MGRN1: variants seen among roughly 807,000 people sequenced by gnomAD.
The protein encoded by MGRN1 is mahogunin ring finger 1.
A neutral mutation model predicts 69.2 loss-of-function variants in MGRN1; 29 were observed. The observed-to-expected ratio is 0.42, with a 90% CI of 0.31 to 0.57. The LOEUF (loss-of-function observed/expected upper bound fraction) is 0.57, where lower values mean the gene tolerates loss of function less well. Among genes scored for constraint, MGRN1 ranks in the 20% least tolerant of loss-of-function variants. The probability of loss-of-function intolerance (pLI) is 0.15; values close to 1 mark genes in which losing one functional copy is unlikely to be tolerated. For synonymous variants in MGRN1, 470 were observed against 344.2 expected, an observed-to-expected ratio of 1.37 and a Z score of -4.04; for missense variants, 998 against 796.2, an observed-to-expected ratio of 1.25 and a Z score of -3.05.
chr16:4,629,263 A>C (rs1897869783), intron 1 of MGRN1, among the ~76,000 whole-genome samples: 1 of 152,000 alleles, frequency 6.6e-6, no homozygotes, highest in Non-Finnish European at 1.5e-5. Context: ...GTTGTAACAA[A>C]GAGTTCTTTA....
intron 1 of MGRN1, among the ~76,000 whole-genome samples, chr16:4,645,561 A>G (rs1053141881): frequency 4.6e-5 from 7 of 152,168 alleles, no homozygotes; most frequent in African/African-American, 1.7e-4. Context: ...GTGGAGAAGA[A>G]TAAGGCTGGA....
In MGRN1 at chr16:4,688,858, C is replaced by G. The variant is rs968554579; in HGVS notation, c.1681C>G (p.Leu561Val). ...LATTSPTWPP[L>V]GGPSPDPSAA... ...CACCACCAGCCCCACCTGGCCTCCA[C>G]TTGGTGGCCCCAGCCCCGATCCCAG... The change falls in exon 17 of 17, where the codon CTT becomes GTT. Residue 561 changes from leucine to valine, a missense_variant. Coordinates refer to ENST00000262370, the MANE Select transcript of MGRN1 (RefSeq NM_015246.4). The G allele has an allele frequency of 4.5e-6, 7 of 1,554,972 alleles. No individual in the cohort carries two copies. Among genetic ancestry groups the G allele is most frequent in the African/African-American group, 4.1e-5 (3 of 73,252 alleles).
chr16:4,688,449 C>G (rs1044064800), intron 16 of MGRN1: 1 of 1,090,250 alleles, frequency 9.2e-7, no homozygotes, highest in Non-Finnish European at 1.1e-6. Context: ...CTTGGCAGGA[C>G]AGTGGCTGGC....
intron 1 of MGRN1, among the ~76,000 whole-genome samples, chr16:4,643,394 C>T (rs919505791): frequency 6.7e-6 from 1 of 150,350 alleles, no homozygotes; most frequent in African/African-American, 2.5e-5. Flanking sequence ...CTGTACCCGG[C>T]CTTGCTTGAT....
chr16:4,625,136 G>A, intron 1 of MGRN1, 88 bp downstream of exon 1: 3 of 1,197,140 alleles, frequency 2.5e-6, no homozygotes, highest in Non-Finnish European at 2.2e-6. Flanking sequence ...GGGGCGGGGC[G>A]CCCTGCTCGG....
chr16:4,681,602 T>C lies in MGRN1; in HGVS notation c.1184T>C (p.Leu395Pro). ...GYEPISLLEA[L>P]NGLRAVSPAI... ...GAGCCCATCTCGCTGCTCGAGGCGC[T>C]CAACGGCCTCCGGGCTGTCTCCCCG... Residue 395 changes from leucine to proline, a missense_variant, in exon 13 of 17, where the codon CTC (leucine) becomes CCC (proline). Physicochemically the swap from Leu to Pro is moderately conservative, Grantham distance 98 (BLOSUM62 -3). Coordinates refer to ENST00000262370, the MANE Select transcript of MGRN1 (RefSeq NM_015246.4). The C allele has an allele frequency of 6.2e-7, 1 of 1,613,526 alleles. No individual in the cohort carries two copies. The highest frequency in any genetic ancestry group is 8.5e-7 in the Non-Finnish European group (1 of 1,180,004).
chr16:4,665,348 A>T (rs1264099538), intron 7 of MGRN1, among the ~76,000 whole-genome samples, 197 bp downstream of exon 7: 3 of 146,764 alleles, frequency 2.0e-5, no homozygotes, highest in Admixed American at 1.4e-4. Context: ...CGCTGTCAGG[A>T]GGCTTAGCAT....
chr16:4,661,177 C>G (rs1410464014), intron 5 of MGRN1, among the ~76,000 whole-genome samples: 1 of 150,552 alleles, frequency 6.6e-6, no homozygotes, highest in Non-Finnish European at 1.5e-5. Context: ...CAGAGTTTCT[C>G]TATGTTGCGT....
rs948586896 is a variant in MGRN1 at position 4,647,568 on chromosome 16, C to A, written c.89-2797C>A. On this transcript the variant is annotated intron_variant, in intron 1 of 16. Transcript: ENST00000262370. The stretch of plus-strand genomic sequence containing the variant: ...TGTGGGCGTGTCCTTCCAGAACATT[C>A]TCTGTGTATTCACAATTTGTGTTGC... Among the ~76,000 whole-genome samples the A allele has an allele frequency of 1.2e-4, 18 of 152,250 alleles. 1 individual carries two copies. Among genetic ancestry groups the A allele is most frequent in the African/African-American group, 1.7e-4 (7 of 41,464 alleles).
At position 4,665,161 on chromosome 16, in the gene MGRN1, A is replaced by T; in HGVS notation, c.678+10A>T. ...GGCTGCCTTTGAAAAGGTAAGTGCC[A>T]TCTGGCCATCACTTTCCCGGGGACC... is the stretch of plus-strand genomic sequence containing the variant. On this transcript the variant is annotated intron_variant, in intron 7 of 16. Transcript: ENST00000262370. The T allele has an allele frequency of 6.2e-7, 1 of 1,614,114 alleles. No individual in the cohort carries two copies. Among genetic ancestry groups the T allele is most frequent in the Non-Finnish European group, 8.5e-7 (1 of 1,180,004 alleles).
intron 5 of MGRN1, among the ~76,000 whole-genome samples, chr16:4,657,705 C>T (rs1002893783): frequency 6.8e-6 from 1 of 146,432 alleles, no homozygotes; most frequent in South Asian, 2.2e-4. Flanking sequence ...GCTTTTTAAC[C>T]TTACTTTTGT....
chr16:4,651,870 C>T, intron 2 of MGRN1, 93 bp from the exon 3 acceptor site: 1 of 1,099,712 alleles, frequency 9.1e-7, no homozygotes, highest in South Asian at 1.2e-5. Flanking sequence ...CCCAGGGATA[C>T]CCTCTGGGGC....
intron 4 of MGRN1, among the ~76,000 whole-genome samples, chr16:4,656,381 C>G (rs888476607): frequency 6.6e-6 from 1 of 152,174 alleles, no homozygotes; most frequent in Non-Finnish European, 1.5e-5. Flanking sequence ...TGTGTGCAGA[C>G]GCATGAAAGA....
At chr16:4,627,950 G>T (rs1402228822) in intron 1 of MGRN1, among the ~76,000 whole-genome samples, 1 of 149,614 alleles carries the variant, frequency 6.7e-6, no homozygotes, top group Non-Finnish European at 1.5e-5. Context: ...TGTGGTGGCG[G>T]GCACCTGTAG....
intron 8 of MGRN1, chr16:4,669,080 A>G (rs747965348): frequency 1.3e-5 from 2 of 151,870 alleles, no homozygotes; most frequent in Non-Finnish European, 2.9e-5. Context: ...ACACACACAC[A>G]CTCTTCAGTA....
At position 4,688,905 on chromosome 16, in the gene MGRN1, CTGAG is replaced by C; in HGVS notation, c.1729_*1del. On this transcript the variant is annotated stop_lost and 3_prime_UTR_variant, in exon 17 of 17. Transcript: ENST00000262370. ...CCAGCGCCGCCGAGCTGACCCCACT[CTGAG>C]AGCCTGGCCGAGCTGGCAGCATGGA... The C allele has an allele frequency of 6.5e-7, 1 of 1,541,820 alleles. No individual in the cohort carries two copies. Among genetic ancestry groups the C allele is most frequent in the Non-Finnish European group, 8.8e-7 (1 of 1,139,996 alleles).
chr16:4,644,181 G>A (rs963999204), intron 1 of MGRN1, among the ~76,000 whole-genome samples: 1 of 151,602 alleles, frequency 6.6e-6, no homozygotes, highest in Non-Finnish European at 1.5e-5. Flanking sequence ...TAGTAGAGAT[G>A]GGGTTTTACC....
intron 10 of MGRN1, among the ~76,000 whole-genome samples, chr16:4,675,752 T>G (rs1022397470): frequency 6.6e-6 from 1 of 151,100 alleles, no homozygotes; most frequent in Non-Finnish European, 1.5e-5. Context: ...AAAAAAAAAT[T>G]ATAGCGAAGT....
chr16:4,687,500 C>G (rs545996063), intron 16 of MGRN1: 2 of 978,760 alleles, frequency 2.0e-6, no homozygotes, highest in East Asian at 2.3e-4. Flanking sequence ...CAGCCTGAGA[C>G]GCTGTCTCAA....
Sources: gnomAD v4.1 joint callset for allele counts (sites outside exome capture counted in the v4.1 genomes callset) on GRCh38, gnomAD v4.1.1 for gene constraint, MANE v1.5 for transcripts, NCBI Gene and HGNC (gene_info 2026-07-23, HGNC 2026-07-21) for gene names.